EPB41L4A: variants seen among roughly 807,000 people sequenced by gnomAD.
EPB41L4A encodes erythrocyte membrane protein band 4.1 like 4A, also known as band 4.1-like protein 4A.
EPB41L4A carries 100 observed loss-of-function variants against 108.6 expected under a neutral mutation model. That is an observed-to-expected ratio of 0.92 (90% CI 0.78 to 1.09). The LOEUF is 1.09. Among genes scored for constraint, EPB41L4A ranks in the 50% least tolerant of loss-of-function variants. The pLI, the probability that EPB41L4A is intolerant of heterozygous loss-of-function variation, is 0.00. For missense variants in EPB41L4A, 1,030 were observed against 842.7 expected (o/e 1.22, Z -2.75); for synonymous variants, 319 against 289.0 (o/e 1.10, Z -1.05).
intron 1 of EPB41L4A, among the ~76,000 whole-genome samples, chr5:112,310,792 T>C (rs948880537): frequency 6.6e-6 from 1 of 152,076 alleles, no homozygotes; most frequent in African/African-American, 2.4e-5. Context: ...ATTTGAGTCT[T>C]GGTGGAGGCA....
At chr5:112,206,168 A>G (rs1762463329) in intron 13 of EPB41L4A, 1 of 152,212 alleles carries the variant, frequency 6.6e-6, no homozygotes, top group South Asian at 2.1e-4. Flanking sequence ...GCCTCCAGGC[A>G]CCAGTGGGGA....
intron 15 of EPB41L4A, 138 bp downstream of exon 15, chr5:112,204,237 T>G (rs1017596160): frequency 1.7e-6 from 1 of 573,148 alleles, no homozygotes; most frequent in African/African-American, 1.8e-5. Context: ...TAACTTATTT[T>G]ATGTCAAAAA....
At chr5:112,297,909 T>C (rs1291493706) in intron 2 of EPB41L4A, among the ~76,000 whole-genome samples, 1 of 152,158 alleles carries the variant, frequency 6.6e-6, no homozygotes, top group African/African-American at 2.4e-5. Flanking sequence ...TTTGTTTTTG[T>C]TTGCTTTGTC....
In EPB41L4A at chr5:112,176,743, CTTTTTTTTT is replaced by C. The variant is rs59150913; in HGVS notation, c.1623-5760_1623-5752del. On this transcript the variant is annotated intron_variant, in intron 18 of 22. Transcript: ENST00000261486. ...ATCTGCTTTTTACCCACCAGAGCAACTTTTTTTTTTTTTTTTTTTTTTTTTTTTGAGATG... is the reference window on the plus strand; with the variant it reads ...ATCTGCTTTTTACCCACCAGAGCAACTTTTTTTTTTTTTTTTTTTGAGATG... Among the ~76,000 whole-genome samples, 476 of 65,900 alleles carry C rather than the reference CTTTTTTTTT, an allele frequency of 7.2e-3. 5 individuals are homozygous for C. The highest frequency in any genetic ancestry group is 9.0e-3 in the Non-Finnish European group (334 of 37,228). 43.2% of individuals were successfully genotyped at this position (65,900 alleles called of 152,430 possible).
At chr5:112,224,112 C>T (rs1479429871) in intron 12 of EPB41L4A, among the ~76,000 whole-genome samples, 3 of 152,064 alleles carry the variant, frequency 2.0e-5, no homozygotes, top group Non-Finnish European at 4.4e-5. Flanking sequence ...CCACTGCGTC[C>T]GGCTAATTTT....
At chr5:112,407,445 G>A (rs1256697320) in intron 1 of EPB41L4A, among the ~76,000 whole-genome samples, 1 of 152,178 alleles carries the variant, frequency 6.6e-6, no homozygotes, top group Non-Finnish European at 1.5e-5. Flanking sequence ...AGTCATGGAG[G>A]TGGGAAGGGT....
chr5:112,333,835 T>A (rs1290349932), intron 1 of EPB41L4A, among the ~76,000 whole-genome samples: 1 of 152,226 alleles, frequency 6.6e-6, no homozygotes, highest in African/African-American at 2.4e-5. Flanking sequence ...TTGATACTGT[T>A]ACCATCAGTT....
At chr5:112,159,047 A>G (rs1035834804), downstream of EPB41L4A, among the ~76,000 whole-genome samples, 4 of 152,320 alleles carry the variant, frequency 2.6e-5, no homozygotes, top group South Asian at 4.1e-4. Context: ...GTCTGGAGTT[A>G]CTTACCTTCT....
intron 3 of EPB41L4A, 127 bp from the exon 4 acceptor site, chr5:112,275,531 A>G (rs1163287050): frequency 4.2e-6 from 5 of 1,183,726 alleles, no homozygotes; most frequent in Admixed American, 6.6e-5. Flanking sequence ...ACATAAGATA[A>G]AAACAGCAAG....
intron 1 of EPB41L4A, among the ~76,000 whole-genome samples, chr5:112,412,999 G>C (rs993798820): frequency 4.6e-5 from 7 of 152,312 alleles, no homozygotes; most frequent in African/African-American, 1.7e-4. Context: ...GATTCAGCAA[G>C]ATTAAAAATT....
At chr5:112,299,471 G>C (rs1226546079) in intron 2 of EPB41L4A, among the ~76,000 whole-genome samples, 1 of 152,260 alleles carries the variant, frequency 6.6e-6, no homozygotes, top group East Asian at 1.9e-4. Flanking sequence ...TTTGGAGAAA[G>C]TTCCATGCAC....
intron 1 of EPB41L4A, among the ~76,000 whole-genome samples, chr5:112,416,658 G>A (rs2112843726): frequency 6.6e-6 from 1 of 152,240 alleles, no homozygotes; most frequent in South Asian, 2.1e-4. Flanking sequence ...TGAAGTAACT[G>A]TTTACTTTTT....
At chr5:112,250,971 T>C (rs1750621112) in intron 9 of EPB41L4A, among the ~76,000 whole-genome samples, 1 of 152,146 alleles carries the variant, frequency 6.6e-6, no homozygotes, top group African/African-American at 2.4e-5. Context: ...TTAAGTGTTG[T>C]TCAGTGAACT....
intron 4 of EPB41L4A, 73 bp from the exon 5 acceptor site, chr5:112,266,403 T>G (rs1237303808): frequency 9.7e-7 from 1 of 1,028,514 alleles, no homozygotes; most frequent in Non-Finnish European, 1.4e-6. Context: ...ACCCTGATAA[T>G]CAAGGTTAAC....
intron 1 of EPB41L4A, among the ~76,000 whole-genome samples, chr5:112,354,982 A>G (rs1402826980): frequency 1.3e-5 from 2 of 152,190 alleles, no homozygotes; most frequent in Non-Finnish European, 2.9e-5. Flanking sequence ...AGTTGCCAAA[A>G]TAAACAAAAG....
In EPB41L4A at chr5:112,171,091, G is replaced by T; in HGVS notation, c.1623-99C>A. On this transcript the variant is annotated intron_variant, in intron 18 of 22. Transcript: ENST00000261486. Reference sequence around the variant, plus strand: ...TTTTCAGACTGTGAAGTTCTTATTTGCCAGCTGAGAACAGACAAGGAAAGA... The same window carrying T: ...TTTTCAGACTGTGAAGTTCTTATTTTCCAGCTGAGAACAGACAAGGAAAGA... 2.8e-6 allele frequency: 3 copies of T among 1,070,768 alleles called. 1 individual carries two copies. The highest frequency in any genetic ancestry group is 2.7e-5 in the South Asian group (2 of 73,808). 66.3% of individuals were successfully genotyped at this position (1,070,768 alleles called of 1,614,324 possible). A position where few individuals can be genotyped will look rare whatever the true frequency, so the allele number is the denominator to read the frequency against.
In EPB41L4A at chr5:112,194,636, TGAACG is replaced by T; in HGVS notation, c.1429_1433del (p.Arg477ThrfsTer3). On this transcript the variant is annotated frameshift_variant, in exon 17 of 23. Transcript: ENST00000261486. LOFTEE classifies it high-confidence loss of function. ...CACTACCACTGCTGGTGTTACAGCG[TGAACG>T]TGACCTGAAGACAAAAAGGTAAGAA... 1 of 1,603,518 alleles carries T rather than the reference TGAACG, an allele frequency of 6.2e-7. No individual in the cohort carries two copies. Among genetic ancestry groups the T allele is most frequent in the Admixed American group, 1.7e-5 (1 of 58,026 alleles).
chr5:112,370,469 A>G (rs1227076210), intron 1 of EPB41L4A, among the ~76,000 whole-genome samples: 1 of 152,130 alleles, frequency 6.6e-6, no homozygotes, highest in African/African-American at 2.4e-5. Context: ...TAATGTGTCC[A>G]GTTTACAATA....
intron 9 of EPB41L4A, 70 bp downstream of exon 9, chr5:112,259,159 G>T: frequency 8.4e-7 from 1 of 1,196,384 alleles, no homozygotes; most frequent in Non-Finnish European, 1.2e-6. Context: ...TCTTCACAAT[G>T]TCTTTTAAGC....
Sources: gnomAD v4.1 joint callset for allele counts (sites outside exome capture counted in the v4.1 genomes callset) on GRCh38, gnomAD v4.1.1 for gene constraint, MANE v1.5 for transcripts, NCBI Gene and HGNC (gene_info 2026-07-23, HGNC 2026-07-21) for gene names.